The following TARBP1 variants were observed in gnomAD, a reference collection of about 807,000 sequenced individuals.
The protein encoded by TARBP1 is tRNA (guanosine(18)-2'-O)-methyltransferase TARBP1.
TARBP1 carries 144 observed loss-of-function variants against 178.6 expected under a neutral mutation model. The observed-to-expected ratio is 0.81, with a 90% CI of 0.70 to 0.93. TARBP1 has a LOEUF of 0.93. Ranked by LOEUF, TARBP1 falls within the 40% of genes least tolerant of loss-of-function variation. The pLI, the probability that TARBP1 is intolerant of heterozygous loss-of-function variation, is 0.00. For missense variants in TARBP1, 2,067 were observed against 2,011.7 expected, an observed-to-expected ratio of 1.03 and a Z score of -0.53; for synonymous variants, 787 against 781.0, an observed-to-expected ratio of 1.01 and a Z score of -0.13.
At chr1:234,450,968 C>A (rs912369473) in intron 9 of TARBP1, among the ~76,000 whole-genome samples, 1 of 152,198 alleles carries the variant, frequency 6.6e-6, no homozygotes, top group Middle Eastern at 3.4e-3. Flanking sequence ...CAACTTACAA[C>A]CTTCAACTAA....
At chr1:234,466,827 C>G (rs545574623) in intron 4 of TARBP1, among the ~76,000 whole-genome samples, 1 of 152,128 alleles carries the variant, frequency 6.6e-6, no homozygotes, top group African/African-American at 2.4e-5. Context: ...CATGCCACTG[C>G]ACTCCAGCCT....
At position 234,430,191 on chromosome 1, in the gene TARBP1, A is replaced by G; in HGVS notation, c.2505T>C (p.Ala835=). Residue 835 remains alanine (A), a synonymous_variant, in exon 15 of 30, where the codon GCT becomes GCC. Coordinates refer to ENST00000040877, the MANE Select transcript of TARBP1 (RefSeq NM_005646.4). The part of the protein sequence containing the change: ...KPELQLDSLH[A]GPLESFLSSL... ...AGGAAAGGAAGCTTTCCAGGGGCCC[A>G]GCATGGAGAGAGTCCAGCTGCAGCT... 1 of 1,614,252 alleles carries G rather than the reference A, an allele frequency of 6.2e-7. No homozygotes were observed. Among genetic ancestry groups the G allele is most frequent in the Non-Finnish European group, 8.5e-7 (1 of 1,180,044 alleles).
intron 12 of TARBP1, among the ~76,000 whole-genome samples, chr1:234,446,399 T>C (rs1572345957): frequency 6.6e-6 from 1 of 152,316 alleles, no homozygotes; most frequent in African/African-American, 2.4e-5. Context: ...TCTCATGCTT[T>C]AGCAGAGTGG....
At chr1:234,413,105 T>C (rs1662027685) in intron 22 of TARBP1, among the ~76,000 whole-genome samples, 1 of 152,148 alleles carries the variant, frequency 6.6e-6, no homozygotes, top group African/African-American at 2.4e-5. Context: ...CCACCAGAGC[T>C]GCTCCTGCCA....
At chr1:234,395,801 T>C (rs1225851772) in intron 26 of TARBP1, among the ~76,000 whole-genome samples, 6 of 151,522 alleles carry the variant, frequency 4.0e-5, no homozygotes, top group Admixed American at 2.0e-4. Context: ...GGAGGAGAGG[T>C]TGGTCAGAAG....
chr1:234,472,376 C>G (rs1275273148), intron 2 of TARBP1, among the ~76,000 whole-genome samples: 3 of 150,796 alleles, frequency 2.0e-5, no homozygotes, highest in African/African-American at 7.3e-5. Context: ...TCCCAGGCCC[C>G]ACCCCGACCT....
At chr1:234,398,591 A>C in intron 25 of TARBP1, 38 bp from the exon 26 acceptor site, 3 of 1,402,380 alleles carry the variant, frequency 2.1e-6, no homozygotes, top group Non-Finnish European at 2.9e-6. Flanking sequence ...TTCTTCCCTT[A>C]AGAATAACAA....
chr1:234,463,642 A>G (rs1244304867), intron 6 of TARBP1, among the ~76,000 whole-genome samples, 195 bp downstream of exon 6: 1 of 152,230 alleles, frequency 6.6e-6, no homozygotes, highest in Non-Finnish European at 1.5e-5. Flanking sequence ...TACTGGTAGT[A>G]TGTCATACAC....
chr1:234,418,831 T>A (rs1035200491), intron 21 of TARBP1, among the ~76,000 whole-genome samples: 1 of 152,210 alleles, frequency 6.6e-6, no homozygotes, highest in African/African-American at 2.4e-5. Flanking sequence ...ACGGAACCTA[T>A]CTAAGCAGCA....
intron 6 of TARBP1, among the ~76,000 whole-genome samples, chr1:234,462,626 T>C (rs1572389206): frequency 6.9e-6 from 1 of 145,472 alleles, no homozygotes; most frequent in East Asian, 2.0e-4. Context: ...GAGGCGGAGG[T>C]TGCAGTGAGC....
chr1:234,427,336 C>T lies in TARBP1; in HGVS notation c.3304G>A (p.Ala1102Thr). ...ACTTACTTTTCCATAACAATATTTGCCGCACAGTCATGTCCAAGGTTTTCT... is the reference window on the plus strand; with the variant it reads ...ACTTACTTTTCCATAACAATATTTGTCGCACAGTCATGTCCAAGGTTTTCT... ...FIENLGHDCA[A>T]NIVMENTKRE... The change falls in exon 19 of 30, where the codon GCA becomes ACA. Residue 1102 changes from alanine (A) to threonine (T), a missense_variant. Transcript: ENST00000040877. 6.2e-7 allele frequency: 1 copy of T among 1,610,582 alleles called. No individual in the cohort carries two copies. Among genetic ancestry groups the T allele is most frequent in the South Asian group, 1.1e-5 (1 of 90,262 alleles).
chr1:234,476,439 G>A (rs1283554085), intron 1 of TARBP1, among the ~76,000 whole-genome samples: 2 of 152,178 alleles, frequency 1.3e-5, no homozygotes, highest in East Asian at 3.8e-4. Context: ...TGTGCACCAG[G>A]CACAGGGAGA....
intron 22 of TARBP1, among the ~76,000 whole-genome samples, chr1:234,412,253 C>T (rs1661900895): frequency 6.6e-6 from 1 of 152,052 alleles, no homozygotes; most frequent in South Asian, 2.1e-4. Context: ...AAAACCATGT[C>T]TCTACTAAAA....
chr1:234,403,435 A>G (rs1476392639), intron 24 of TARBP1, among the ~76,000 whole-genome samples: 1 of 151,932 alleles, frequency 6.6e-6, no homozygotes, highest in Non-Finnish European at 1.5e-5. Context: ...TCATCACCAC[A>G]TTTACTTTTC....
At chr1:234,441,810 T>C (rs1665625506) in intron 12 of TARBP1, among the ~76,000 whole-genome samples, 1 of 152,204 alleles carries the variant, frequency 6.6e-6, no homozygotes, top group Admixed American at 6.5e-5. Context: ...ATATAATATG[T>C]GGTCTTTAGT....
intron 23 of TARBP1, 175 bp downstream of exon 23, chr1:234,410,270 G>C: frequency 2.1e-6 from 1 of 482,536 alleles, no homozygotes; most frequent in African/African-American, 2.0e-5. Context: ...ATGTAAATGG[G>C]TAATTCCCAT....
intron 19 of TARBP1, among the ~76,000 whole-genome samples, chr1:234,426,052 G>A (rs184505918): frequency 2.6e-5 from 4 of 152,288 alleles, no homozygotes; most frequent in Non-Finnish European, 4.4e-5. Flanking sequence ...CAATGCACAC[G>A]CTGCTGAACC....
rs746099418 is a variant in TARBP1, at chr1:234,412,421, C to CAA, written c.3706-1892_3706-1891dup. The stretch of plus-strand genomic sequence containing the variant: ...TGGGGGACAGAGACAGACGCCGTCT[C>CAA]AAAAAAAAAAAAAAAGACAATATGG... On this transcript the variant is annotated intron_variant, in intron 22 of 29. Transcript: ENST00000040877. Among the ~76,000 whole-genome samples the CAA allele has an allele frequency of 3.5e-3, 326 of 92,446 alleles. 2 individuals carry two copies. Among genetic ancestry groups the CAA allele is most frequent in the African/African-American group, 0.013 (312 of 24,854 alleles). 60.6% of individuals were successfully genotyped at this position (92,446 alleles called of 152,430 possible). A position where few individuals can be genotyped will look rare whatever the true frequency, so the allele number is the denominator to read the frequency against.
intron 1 of TARBP1, among the ~76,000 whole-genome samples, chr1:234,477,710 G>A (rs1669696799): frequency 6.6e-6 from 1 of 152,136 alleles, no homozygotes; most frequent in South Asian, 2.1e-4. Context: ...TAATTACCAG[G>A]GGAAATTTCA....
Sources: gnomAD v4.1 joint callset for allele counts (sites outside exome capture counted in the v4.1 genomes callset) on GRCh38, gnomAD v4.1.1 for gene constraint, MANE v1.5 for transcripts, NCBI Gene and HGNC (gene_info 2026-07-23, HGNC 2026-07-21) for gene names.